GCC2: variants seen among roughly 807,000 people sequenced by gnomAD.
GCC2 encodes GRIP and coiled-coil domain-containing protein 2.
A neutral mutation model predicts 210.6 loss-of-function variants in GCC2; 120 were observed. The ratio of observed to expected loss-of-function variants is 0.57; its 90% confidence interval spans 0.49 to 0.66. The LOEUF (loss-of-function observed/expected upper bound fraction) is 0.66. Among genes scored for constraint, GCC2 ranks in the 30% least tolerant of loss-of-function variants. The pLI is 0.00. For missense variants in GCC2, 1,868 were observed against 1,871.9 expected, an observed-to-expected ratio of 1.00 and a Z score of 0.04; for synonymous variants, 703 against 652.7, an observed-to-expected ratio of 1.08 and a Z score of -1.17.
chr2:108,489,234 C>T (rs1401185367), intron 17 of GCC2, among the ~76,000 whole-genome samples: 4 of 152,088 alleles, frequency 2.6e-5, no homozygotes, highest in South Asian at 2.1e-4. Context: ...TGTGTGAGTG[C>T]GCCAGGCATG....
intron 4 of GCC2, among the ~76,000 whole-genome samples, chr2:108,461,179 ATTCTCTTTTCTC>A (rs1180544018): frequency 1.3e-5 from 2 of 151,922 alleles, no homozygotes; most frequent in African/African-American, 2.4e-5. Context: ...TGAATATATT[ATTCTCTTTTCTC>A]TTCTCTTTTC....
chr2:108,486,993 G>T (rs1291311748), intron 16 of GCC2, among the ~76,000 whole-genome samples: 1 of 152,078 alleles, frequency 6.6e-6, no homozygotes, highest in Non-Finnish European at 1.5e-5. Flanking sequence ...ATGGCTGTGG[G>T]GGCCTACTTT....
At chr2:108,481,435 G>C (rs1398000953) in intron 9 of GCC2, among the ~76,000 whole-genome samples, 3 of 152,248 alleles carry the variant, frequency 2.0e-5, no homozygotes, top group Non-Finnish European at 2.9e-5. Context: ...TTAATGAGTA[G>C]AATATTTAAC....
chr2:108,479,632 C>A (rs1436027974), intron 9 of GCC2, among the ~76,000 whole-genome samples: 1 of 151,592 alleles, frequency 6.6e-6, no homozygotes, highest in African/African-American at 2.4e-5. Flanking sequence ...CAGAGCAAGA[C>A]CCTGTCTCAA....
chr2:108,483,385 G>A (rs1401967123), intron 12 of GCC2, among the ~76,000 whole-genome samples: 1 of 151,858 alleles, frequency 6.6e-6, no homozygotes, highest in African/African-American at 2.4e-5. Context: ...CACCACACCC[G>A]GCTAATTTTT....
chr2:108,449,274 G>A lies in GCC2; in HGVS notation c.-1G>A, dbSNP rs757471595. 3.9e-5 allele frequency: 61 copies of A among 1,549,694 alleles called. No individual in the cohort carries two copies. The highest frequency in any genetic ancestry group is 5.2e-5 in the Non-Finnish European group (60 of 1,145,662). ...TGCGGGCCGGCGGCGGGCTGGCGGA[G>A]ATGGAGGTAACTCAGGTCGGGCCCA... On this transcript the variant is annotated 5_prime_UTR_variant, in exon 1 of 23. Transcript: ENST00000309863.
At chr2:108,462,295 A>G (rs997876294) in intron 4 of GCC2, among the ~76,000 whole-genome samples, 2 of 145,930 alleles carry the variant, frequency 1.4e-5, no homozygotes, top group African/African-American at 2.5e-5. Context: ...GATCGACACC[A>G]CCCTGGCTAA....
intron 2 of GCC2, 135 bp downstream of exon 2, chr2:108,449,824 T>C (rs1054108833): frequency 3.0e-6 from 2 of 663,236 alleles, no homozygotes; most frequent in Non-Finnish European, 5.2e-6. Context: ...TCAATTTTAG[T>C]GTGCGCAATC....
intron 9 of GCC2, among the ~76,000 whole-genome samples, chr2:108,479,906 C>T (rs1042080121): frequency 6.9e-6 from 1 of 145,906 alleles, no homozygotes; most frequent in Non-Finnish European, 1.5e-5. Context: ...CATTGGAACG[C>T]GAGAGGCGAA....
At chr2:108,483,037 G>A (rs1681951166) in intron 11 of GCC2, 25 bp from the exon 12 acceptor site, 2 of 1,193,282 alleles carry the variant, frequency 1.7e-6, no homozygotes, top group Non-Finnish European at 2.5e-6. Context: ...TGGGTGGTGT[G>A]GGTTGTTTTT....
At position 108,449,232 on chromosome 2, in the gene GCC2, C is replaced by T. The variant is rs1032200284; in HGVS notation, c.-43C>T. 3.2e-6 allele frequency: 5 copies of T among 1,542,184 alleles called. No individual in the cohort carries two copies. Among genetic ancestry groups the T allele is most frequent in the Middle Eastern group, 1.7e-4 (1 of 5,952 alleles). ...GAGGCTGGCGCAAACAGAAGTGCAG[C>T]GGTGGCGGCGGCTGGTTGCGGGCCG... On this transcript the variant is annotated 5_prime_UTR_variant, in exon 1 of 23. Coordinates refer to ENST00000309863, the MANE Select transcript of GCC2 (RefSeq NM_181453.4).
Position 108,470,862 on chromosome 2 carries a change from G to A in GCC2, c.1533G>A (p.Gln511=), listed in dbSNP as rs1304732223. The change falls in exon 6 of 23, where the codon CAG becomes CAA. Residue 511 remains glutamine, a synonymous_variant. Transcript: ENST00000309863. ...ISQEFESMKQ[Q]QASDVHELQQ... ...AAGAGTTCGAATCAATGAAGCAACA[G>A]CAAGCATCTGATGTTCATGAACTGC... The A allele has an allele frequency of 6.2e-7, 1 of 1,613,666 alleles. No homozygotes were observed. The highest frequency in any genetic ancestry group is 1.1e-5 in the South Asian group (1 of 91,054).
At chr2:108,480,650 A>G (rs1333145386) in intron 9 of GCC2, among the ~76,000 whole-genome samples, 3 of 152,202 alleles carry the variant, frequency 2.0e-5, no homozygotes, top group Non-Finnish European at 1.5e-5. Context: ...TAATGGAGGA[A>G]CGGAAAACTA....
In GCC2 at chr2:108,479,980, CAAAAAAAAAAAAAAAA is replaced by C. The variant is rs200934785; in HGVS notation, c.3061-1703_3061-1688del. On this transcript the variant is annotated intron_variant, in intron 9 of 22. Transcript: ENST00000309863. ...CTGGCGACAGAGCGAGACTCCATCTCAAAAAAAAAAAAAAAAAAAAAAAAAAAAACGAAAAACCCCA... is the reference window on the plus strand; with the variant it reads ...CTGGCGACAGAGCGAGACTCCATCTCAAAAAAAAAAAAACGAAAAACCCCA... Among the ~76,000 whole-genome samples, 93 of 114,496 alleles carry C rather than the reference CAAAAAAAAAAAAAAAA, an allele frequency of 8.1e-4. 2 individuals are homozygous for C. Among genetic ancestry groups the C allele is most frequent in the African/African-American group, 1.9e-3 (52 of 27,280 alleles). 75.1% of individuals were successfully genotyped at this position (114,496 alleles called of 152,430 possible).
At chr2:108,482,910 G>A in intron 11 of GCC2, 152 bp from the exon 12 acceptor site, 1 of 578,662 alleles carries the variant, frequency 1.7e-6, no homozygotes, top group Non-Finnish European at 3.1e-6. Context: ...TCAATCTCCT[G>A]ACCTTGTGAT....
intron 3 of GCC2, among the ~76,000 whole-genome samples, chr2:108,451,628 A>T (rs1289035307): frequency 6.6e-6 from 1 of 151,988 alleles, no homozygotes; most frequent in African/African-American, 2.4e-5. Context: ...GTATATGTAC[A>T]TGAGCTCTTG....
At chr2:108,487,620 C>T in intron 16 of GCC2, 79 bp from the exon 17 acceptor site, 1 of 1,336,636 alleles carries the variant, frequency 7.5e-7, no homozygotes, top group Non-Finnish European at 1.0e-6. Flanking sequence ...AGGTTTTTAT[C>T]TCAATTTGTT....
intron 4 of GCC2, chr2:108,462,643 A>G (rs182372015): frequency 4.1e-4 from 57 of 139,294 alleles, no homozygotes; most frequent in African/African-American, 1.4e-3. Context: ...GCTCACTGCA[A>G]CCTCTACCTC....
At chr2:108,459,745 CTTTTTTTTTTTTTTTT>C (rs34052393) in intron 4 of GCC2, among the ~76,000 whole-genome samples, 17 of 26,786 alleles carry the variant, frequency 6.3e-4, no homozygotes, top group East Asian at 3.3e-3. Flanking sequence ...CCTTCTTTGT[CTTTTTTTTTTTTTTTT>C]TTTTTTTTTT....
Sources: gnomAD v4.1 joint callset for allele counts (sites outside exome capture counted in the v4.1 genomes callset) on GRCh38, gnomAD v4.1.1 for gene constraint, MANE v1.5 for transcripts, NCBI Gene and HGNC (gene_info 2026-07-23, HGNC 2026-07-21) for gene names.